Variants in QSOX2 observed in about 807,000 individuals in gnomAD.
QSOX2 encodes quiescin sulfhydryl oxidase 2.
Under a neutral mutation model 61.7 loss-of-function variants are expected in QSOX2, and 46 were observed. The observed-to-expected ratio is 0.75, with a 90% confidence interval of 0.59 to 0.95. The LOEUF (loss-of-function observed/expected upper bound fraction) is 0.95, where lower values mean the gene tolerates loss of function less well. Ranked by LOEUF, QSOX2 falls within the 40% of genes least tolerant of loss-of-function variation. The pLI is 0.00. For synonymous variants in QSOX2, 383 were observed against 388.4 expected, an observed-to-expected ratio of 0.99 and a Z score of 0.16; for missense variants, 879 against 918.9, an observed-to-expected ratio of 0.96 and a Z score of 0.56.
intron 1 of QSOX2, among the ~76,000 whole-genome samples, chr9:136,242,260 C>T (rs1490283888): frequency 6.6e-6 from 1 of 152,264 alleles, no homozygotes; most frequent in Non-Finnish European, 1.5e-5. Flanking sequence ...ATCCAAATTT[C>T]TGAGGAAAAC....
rs766107268 is a variant in QSOX2 at position 136,211,335 on chromosome 9, G to A, written c.1478C>T (p.Ser493Leu). 21 of 1,614,182 alleles carry A rather than the reference G, an allele frequency of 1.3e-5. 1 individual carries two copies. Among genetic ancestry groups the A allele is most frequent in the South Asian group, 4.4e-5 (4 of 91,090 alleles). ...GATGGCTTGGTCTGGGGTTTTCACCGAGTCCATGGATTCTTTAGCCATTTC... is the reference window on the plus strand; with the variant it reads ...GATGGCTTGGTCTGGGGTTTTCACCAAGTCCATGGATTCTTTAGCCATTTC... The part of the protein sequence containing the change: ...FEEMAKESMD[S>L]VKTPDQAILW... Residue 493 changes from serine (S) to leucine (L), a missense_variant, in exon 11 of 12, where the codon TCG (serine) becomes TTG (leucine). Transcript: ENST00000358701.
chr9:136,216,881 G>A (rs1831920749), intron 8 of QSOX2, among the ~76,000 whole-genome samples, 159 bp from the exon 9 acceptor site: 1 of 152,238 alleles, frequency 6.6e-6, no homozygotes, highest in Admixed American at 6.5e-5. Flanking sequence ...TGGGAGGCAG[G>A]AAACCCAAGG....
At chr9:136,218,595 C>G (rs983206727) in intron 8 of QSOX2, 84 bp downstream of exon 8, 1 of 1,486,540 alleles carries the variant, frequency 6.7e-7, no homozygotes, top group African/African-American at 1.4e-5. Flanking sequence ...CTGGCGGAGC[C>G]CCCGCAGTGT....
chr9:136,209,672 C>A lies in QSOX2; in HGVS notation c.1550-397G>T, dbSNP rs75003752. ...CTGTGTGCCCCTCCCCCCACTGCTG[C>A]CCCTCTGCCCTTTCCTGAGGGTGCA... On this transcript the variant is annotated intron_variant, in intron 11 of 11. Transcript: ENST00000358701. The surrounding 1 kb of genome is among the most constrained non-coding windows in gnomAD (Gnocchi z 5.6). 4.8e-3 allele frequency: 4,694 copies of A among 985,122 alleles called. 170 individuals are homozygous for A. In the African/African-American group the frequency reaches 0.076, roughly 16 times the overall value. The allele number at this position is 985,122 out of a possible 1,614,324, so 61.0% of individuals were successfully genotyped here.
chr9:136,243,984 C>G (rs1333538276), intron 1 of QSOX2, among the ~76,000 whole-genome samples: 1 of 152,008 alleles, frequency 6.6e-6, no homozygotes, highest in Non-Finnish European at 1.5e-5. Context: ...TCAAGGCTGC[C>G]TATGTGCTGC....
intron 1 of QSOX2, among the ~76,000 whole-genome samples, chr9:136,243,362 G>C (rs546147359): frequency 1.3e-5 from 2 of 152,278 alleles, no homozygotes; most frequent in African/African-American, 4.8e-5. Flanking sequence ...TTCTCCCCAA[G>C]GCTGCTGCCT....
At chr9:136,217,234 T>C (rs72773790) in intron 8 of QSOX2, among the ~76,000 whole-genome samples, 34,800 of 152,208 alleles carry the variant, frequency 0.23, 4,844 homozygotes, top group Non-Finnish European at 0.32. Flanking sequence ...CTGGCCGACA[T>C]CAACACAGCT....
At position 136,221,921 on chromosome 9, in the gene QSOX2, C is replaced by T. The variant is rs147232805; in HGVS notation, c.696G>A (p.Pro232=). 1,808 of 1,606,902 alleles carry T rather than the reference C, an allele frequency of 1.1e-3. 5 individuals carry two copies. The highest frequency in any genetic ancestry group is 1.3e-3 in the Non-Finnish European group (1,543 of 1,176,576). Residue 232 remains proline (P), a synonymous_variant, in exon 6 of 12, where the codon CCG becomes CCA. Transcript: ENST00000358701. The surrounding 1 kb of genome is among the most constrained non-coding windows in gnomAD (Gnocchi z 4.5). ...LGREVILDLI[P]YESIVVTRAL... The stretch of plus-strand genomic sequence containing the variant: ...CTCGGGTCACCACGATGCTTTCATA[C>T]GGGATCAGGTCTAAGATCACCTGGG...
Position 136,222,469 on chromosome 9 carries a change from GCCA to G in QSOX2, c.676-531_676-529del, listed in dbSNP as rs767591984. Among the ~76,000 whole-genome samples the G allele has an allele frequency of 1.1e-4, 16 of 152,190 alleles. No homozygotes were observed. The highest frequency in any genetic ancestry group is 3.1e-4 in the African/African-American group (13 of 41,432). ...GGATTTTGGAAGAAACCCTGCGTGC[GCCA>G]CCACCACATCGGGCGTACGTCTTTC... On this transcript the variant is annotated intron_variant, in intron 5 of 11. Coordinates refer to ENST00000358701, the MANE Select transcript of QSOX2 (RefSeq NM_181701.4). This position sits in a 1 kb window ranked among gnomAD's most constrained non-coding sequence, Gnocchi z 6.9.
In QSOX2 at chr9:136,209,948, G is replaced by C. The variant is rs369941841; in HGVS notation, c.1550-673C>G. ...GGCGCACGGCGCCTCCTAGCTCTCG[G>C]AGCCCCTGCGACCCGACTTGCTGAC... On this transcript the variant is annotated intron_variant, in intron 11 of 11. Coordinates refer to ENST00000358701, the MANE Select transcript of QSOX2 (RefSeq NM_181701.4). This position sits in a 1 kb window ranked among gnomAD's most constrained non-coding sequence, Gnocchi z 5.6. 5.1e-6 allele frequency: 5 copies of C among 985,258 alleles called. No homozygotes were observed. The East Asian group carries it at 3.4e-4, about 67-fold the overall frequency. The allele number at this position is 985,258 out of a possible 1,614,324, so 61.0% of individuals were successfully genotyped here. A position where few individuals can be genotyped will look rare whatever the true frequency, so the allele number is the denominator to read the frequency against.
intron 1 of QSOX2, among the ~76,000 whole-genome samples, chr9:136,227,942 G>T: frequency 6.6e-6 from 1 of 151,980 alleles, no homozygotes; most frequent in East Asian, 1.9e-4. Context: ...ACAGGGGGAG[G>T]CTCCACCTTA....
intron 8 of QSOX2, 149 bp downstream of exon 8, chr9:136,218,530 T>C: frequency 1.1e-6 from 1 of 919,360 alleles, no homozygotes; most frequent in Middle Eastern, 3.5e-4. Context: ...ATGGGTGGAA[T>C]GAGTTGGGGC....
chr9:136,233,707 T>C (rs561986566), intron 1 of QSOX2, among the ~76,000 whole-genome samples: 1 of 152,264 alleles, frequency 6.6e-6, no homozygotes, highest in Admixed American at 6.5e-5. Context: ...ATGAGACGAA[T>C]CGTGCAGCAA....
intron 1 of QSOX2, among the ~76,000 whole-genome samples, chr9:136,243,468 ACT>A (rs1830448075): frequency 6.6e-6 from 1 of 152,144 alleles, no homozygotes. Flanking sequence ...ACAAAGCTTA[ACT>A]CTTTCAATCA....
At chr9:136,219,192 GA>G (rs1831952304) in intron 6 of QSOX2, 28 bp from the exon 7 acceptor site, 1 of 1,602,552 alleles carries the variant, frequency 6.2e-7, no homozygotes, top group African/African-American at 1.3e-5. Context: ...GCAAAGGTGA[GA>G]AGAGCCTCCT....
rs1405168280 is a variant in QSOX2, at chr9:136,209,659, C to A, written c.1550-384G>T. ...CGCACAGTGCTGCCTGTGTGCCCCTCCCCCCACTGCTGCCCCTCTGCCCTT... is the reference window on the plus strand; with the variant it reads ...CGCACAGTGCTGCCTGTGTGCCCCTACCCCCACTGCTGCCCCTCTGCCCTT... On this transcript the variant is annotated intron_variant, in intron 11 of 11. Transcript: ENST00000358701. This position sits in a 1 kb window ranked among gnomAD's most constrained non-coding sequence, Gnocchi z 5.6. 3 of 984,994 alleles carry A rather than the reference C, an allele frequency of 3.0e-6. No homozygotes were observed. The highest frequency in any genetic ancestry group is 1.1e-4 in the East Asian group (1 of 8,698). The allele number at this position is 984,994 out of a possible 1,614,324, so 61.0% of individuals were successfully genotyped here.
At chr9:136,239,775 G>A (rs113125427) in intron 1 of QSOX2, among the ~76,000 whole-genome samples, 89 of 152,344 alleles carry the variant, frequency 5.8e-4, no homozygotes, top group African/African-American at 2.0e-3. Context: ...ATGCCAGGCC[G>A]TGTGCTCAGG....
At chr9:136,213,195 C>T (rs1373474211) in intron 10 of QSOX2, among the ~76,000 whole-genome samples, 2 of 150,926 alleles carry the variant, frequency 1.3e-5, no homozygotes, top group Admixed American at 6.6e-5. Flanking sequence ...CATGTGTAAA[C>T]GTGAGGTTTC....
chr9:136,215,022 T>C (rs931995292), intron 10 of QSOX2, 132 bp downstream of exon 10: 55 of 1,086,310 alleles, frequency 5.1e-5, no homozygotes, highest in Non-Finnish European at 6.2e-5. Context: ...GAGTCTGAAG[T>C]GCCATTCCCC....
Sources: allele counts gnomAD v4.1 joint callset (sites outside exome capture counted in the v4.1 genomes callset), GRCh38; gene constraint gnomAD v4.1.1; non-coding constraint Gnocchi (gnomAD v3.1); transcripts MANE v1.5; gene names NCBI Gene and HGNC (gene_info 2026-07-23, HGNC 2026-07-21).